STK31: variants seen among roughly 807,000 people sequenced by gnomAD.
STK31 encodes the protein serine/threonine-protein kinase 31.
Under a neutral mutation model 129.7 loss-of-function variants are expected in STK31, and 89 were observed. The ratio of observed to expected loss-of-function variants is 0.69; its 90% CI spans 0.58 to 0.82. The LOEUF (loss-of-function observed/expected upper bound fraction) is 0.82. STK31 is among the 40% of genes least tolerant of loss of function. The pLI is 0.00. For synonymous variants in STK31, 448 were observed against 395.3 expected, an observed-to-expected ratio of 1.13 and a Z score of -1.58; for missense variants, 1,187 against 1,176.4, an observed-to-expected ratio of 1.01 and a Z score of -0.13.
At chr7:23,741,817 TG>T (rs1788071070) in intron 8 of STK31, among the ~76,000 whole-genome samples, 1 of 152,200 alleles carries the variant, frequency 6.6e-6, no homozygotes, top group Non-Finnish European at 1.5e-5. Flanking sequence ...AGCAGAGCTT[TG>T]GGTGTTGTCC....
chr7:23,824,259 C>G (rs1793972335), intron 23 of STK31, among the ~76,000 whole-genome samples: 1 of 152,126 alleles, frequency 6.6e-6, no homozygotes. Context: ...TTCTTTGTAT[C>G]CTCTTTTACT....
intron 20 of STK31, 75 bp from the exon 21 acceptor site, chr7:23,787,903 CTT>C: frequency 1.4e-6 from 2 of 1,391,818 alleles, no homozygotes; most frequent in Non-Finnish European, 1.9e-6. Context: ...CTAGAGCAGT[CTT>C]TTAATTAGAG....
intron 22 of STK31, among the ~76,000 whole-genome samples, chr7:23,799,366 T>C (rs920296779): frequency 2.0e-4 from 31 of 151,884 alleles, no homozygotes; most frequent in African/African-American, 7.5e-4. Flanking sequence ...GTAACCAAAA[T>C]AGCATGGTAC....
intron 6 of STK31, among the ~76,000 whole-genome samples, chr7:23,734,842 G>C (rs1397011473): frequency 1.3e-5 from 2 of 152,130 alleles, no homozygotes; most frequent in Non-Finnish European, 2.9e-5. Context: ...GTGTGTGCCA[G>C]TAGTCCCGGT....
chr7:23,757,135 C>T (rs1433877907), intron 10 of STK31, among the ~76,000 whole-genome samples: 3 of 151,838 alleles, frequency 2.0e-5, no homozygotes, highest in African/African-American at 4.8e-5. Flanking sequence ...TTTTTTTGGT[C>T]GGTAGGCTGT....
chr7:23,737,459 G>A lies in STK31; in HGVS notation c.1017+381G>A, dbSNP rs186208803. On this transcript the variant is annotated intron_variant, in intron 8 of 23. Coordinates refer to ENST00000355870, the MANE Select transcript of STK31 (RefSeq NM_031414.5). ...AATTTACACTTCCTGGATTATTTTA[G>A]AAGAAGTCCCATTCATATTATTTCA... Among the ~76,000 whole-genome samples, 4 of 152,250 alleles carry A rather than the reference G, an allele frequency of 2.6e-5. No homozygotes were observed. The East Asian group carries it at 7.7e-4, about 29-fold the overall frequency.
At chr7:23,812,444 AT>A (rs1793197576) in intron 22 of STK31, among the ~76,000 whole-genome samples, 1 of 69,176 alleles carries the variant, frequency 1.4e-5, no homozygotes, top group Non-Finnish European at 3.1e-5. Flanking sequence ...ATTTTTTTCT[AT>A]TTGGGGTTTG....
At chr7:23,758,653 G>C (rs1261094674) in intron 10 of STK31, among the ~76,000 whole-genome samples, 1 of 152,098 alleles carries the variant, frequency 6.6e-6, no homozygotes, top group African/African-American at 2.4e-5. Context: ...GTGTCCTGGA[G>C]ATTCTGGTAC....
intron 16 of STK31, among the ~76,000 whole-genome samples, chr7:23,782,770 G>A (rs971080845): frequency 3.9e-5 from 6 of 152,116 alleles, no homozygotes; most frequent in Admixed American, 6.5e-5. Context: ...TTTTCTTAAC[G>A]AAACAGCTGT....
intron 3 of STK31, among the ~76,000 whole-genome samples, chr7:23,713,815 T>C (rs1451074238): frequency 2.0e-5 from 3 of 152,054 alleles, no homozygotes; most frequent in Admixed American, 6.6e-5. Flanking sequence ...GCTGTACAGT[T>C]AACTTTTTTA....
chr7:23,824,460 CTT>C (rs1202220293), intron 23 of STK31, among the ~76,000 whole-genome samples: 2 of 152,170 alleles, frequency 1.3e-5, no homozygotes, highest in Non-Finnish European at 2.9e-5. Flanking sequence ...TATCCTGAGA[CTT>C]TGCTGAAGTT....
At chr7:23,803,339 T>A (rs1489933591) in intron 22 of STK31, among the ~76,000 whole-genome samples, 1 of 151,212 alleles carries the variant, frequency 6.6e-6, no homozygotes, top group Admixed American at 6.6e-5. Context: ...CATGAAGGGA[T>A]TACTGTCACT....
intron 4 of STK31, chr7:23,725,828 C>G (rs955148082): frequency 6.6e-6 from 1 of 152,160 alleles, no homozygotes; most frequent in African/African-American, 2.4e-5. Context: ...GTGTTTGATG[C>G]CTGTGTCTTC....
intron 21 of STK31, among the ~76,000 whole-genome samples, chr7:23,789,244 T>A (rs1201909848): frequency 6.6e-6 from 1 of 152,136 alleles, no homozygotes; most frequent in East Asian, 1.9e-4. Flanking sequence ...GTTATATGAA[T>A]AATGCTGCTA....
intron 4 of STK31, among the ~76,000 whole-genome samples, chr7:23,719,152 TC>T (rs1786529231): frequency 1.3e-5 from 2 of 152,104 alleles, no homozygotes. Flanking sequence ...TATGTTTTTT[TC>T]ACTTTAATTT....
intron 15 of STK31, among the ~76,000 whole-genome samples, chr7:23,776,435 A>G (rs1177422884): frequency 6.6e-6 from 1 of 152,146 alleles, no homozygotes; most frequent in Non-Finnish European, 1.5e-5. Context: ...CTCTGGTGGA[A>G]TTCACCTGTG....
At chr7:23,741,487 A>G (rs1788054409) in intron 8 of STK31, among the ~76,000 whole-genome samples, 1 of 152,206 alleles carries the variant, frequency 6.6e-6, no homozygotes, top group African/African-American at 2.4e-5. Context: ...TGTAACCTGA[A>G]TCACCCTCAT....
At position 23,735,846 on chromosome 7, in the gene STK31, TCTTGA is replaced by T; in HGVS notation, c.798_802del (p.Asp266GlufsTer3). 6.2e-7 allele frequency: 1 copy of T among 1,601,998 alleles called. No homozygotes were observed. Among genetic ancestry groups the T allele is most frequent in the Non-Finnish European group, 8.5e-7 (1 of 1,173,394 alleles). On this transcript the variant is annotated frameshift_variant, in exon 7 of 24. Transcript: ENST00000355870. LOFTEE classifies it high-confidence loss of function. ...AGGGGCACTTAAGTGAGAAAATGACTCTTGACTTGAAGGATGAAAATGATGCAGGC... is the reference window on the plus strand; with the variant it reads ...AGGGGCACTTAAGTGAGAAAATGACTCTTGAAGGATGAAAATGATGCAGGC...
intron 23 of STK31, among the ~76,000 whole-genome samples, chr7:23,824,106 TTAAAG>T (rs1237223823): frequency 6.6e-6 from 1 of 152,206 alleles, no homozygotes; most frequent in African/African-American, 2.4e-5. Context: ...CATATGAACT[TTAAAG>T]TAGTTTTTTC....
Sources: gnomAD v4.1 joint callset for allele counts (sites outside exome capture counted in the v4.1 genomes callset) on GRCh38, gnomAD v4.1.1 for gene constraint, MANE v1.5 for transcripts, NCBI Gene and HGNC (gene_info 2026-07-23, HGNC 2026-07-21) for gene names.